The following EYA4 variants were observed in gnomAD, a reference collection of about 807,000 sequenced individuals.
EYA4 encodes protein phosphatase EYA4.
Under a neutral mutation model 87.9 loss-of-function variants are expected in EYA4, and 31 were observed. The observed-to-expected ratio is 0.35, with a 90% CI of 0.27 to 0.48. The LOEUF is 0.48. EYA4 is among the 20% of genes least tolerant of loss of function. The pLI, the probability that EYA4 is intolerant of heterozygous loss-of-function variation, is 0.99. For missense variants in EYA4, 678 were observed against 761.4 expected (o/e 0.89, Z 1.29); for synonymous variants, 263 against 270.6 (o/e 0.97, Z 0.28).
intron 1 of EYA4, among the ~76,000 whole-genome samples, chr6:133,256,231 C>T (rs1336674291): frequency 6.6e-6 from 1 of 151,124 alleles, no homozygotes; most frequent in Non-Finnish European, 1.5e-5. Flanking sequence ...ATTAGTTTCT[C>T]ACTTAAGAAT....
chr6:133,357,253 A>G (rs1208517868), intron 2 of EYA4, among the ~76,000 whole-genome samples: 1 of 133,472 alleles, frequency 7.5e-6, no homozygotes, highest in Non-Finnish European at 1.5e-5. Context: ...CCTGGGCGAC[A>G]GAGCGAGACT....
intron 7 of EYA4, 133 bp from the exon 8 acceptor site, chr6:133,462,202 C>G: frequency 9.2e-7 from 1 of 1,090,820 alleles, no homozygotes; most frequent in Non-Finnish European, 1.4e-6. Flanking sequence ...GTTGCTTTTT[C>G]CTATATTGTT....
intron 3 of EYA4, among the ~76,000 whole-genome samples, chr6:133,393,200 C>T (rs1787451532): frequency 1.3e-5 from 2 of 152,056 alleles, no homozygotes; most frequent in South Asian, 4.1e-4. Flanking sequence ...CTTTTGTGGT[C>T]CACTTCATGC....
intron 2 of EYA4, among the ~76,000 whole-genome samples, chr6:133,311,319 T>TTTTA (rs1169412007): frequency 4.6e-5 from 7 of 152,016 alleles, no homozygotes; most frequent in South Asian, 2.1e-4. Flanking sequence ...TTAATTTAAT[T>TTTTA]TTTATTTGTT....
intron 12 of EYA4, among the ~76,000 whole-genome samples, chr6:133,482,229 C>T (rs1322454513): frequency 3.3e-5 from 5 of 152,188 alleles, no homozygotes; most frequent in African/African-American, 1.2e-4. Flanking sequence ...AAAAATTGAA[C>T]TTCCAGATTT....
At chr6:133,326,746 C>A (rs1207359493) in intron 2 of EYA4, among the ~76,000 whole-genome samples, 3 of 152,226 alleles carry the variant, frequency 2.0e-5, no homozygotes, top group Non-Finnish European at 4.4e-5. Context: ...CCTTCCTCAT[C>A]CCTTCACCGT....
At chr6:133,301,913 T>G (rs1779437406) in intron 2 of EYA4, among the ~76,000 whole-genome samples, 1 of 152,234 alleles carries the variant, frequency 6.6e-6, no homozygotes, top group African/African-American at 2.4e-5. Flanking sequence ...TCTACTTGAT[T>G]AGACGGTCAT....
At chr6:133,337,913 A>G (rs1246728544) in intron 2 of EYA4, among the ~76,000 whole-genome samples, 2 of 152,168 alleles carry the variant, frequency 1.3e-5, no homozygotes, top group Non-Finnish European at 2.9e-5. Flanking sequence ...AATTTCGCAG[A>G]TTGGGGTTTT....
chr6:133,522,920 C>T (rs1419479789), intron 17 of EYA4, 136 bp from the exon 18 acceptor site: 2 of 705,074 alleles, frequency 2.8e-6, no homozygotes, highest in Non-Finnish European at 5.0e-6. Flanking sequence ...GAGTGTCTGT[C>T]TGCTGATAGG....
chr6:133,416,778 T>TCC (rs1291570517), intron 3 of EYA4, among the ~76,000 whole-genome samples: 51 of 152,332 alleles, frequency 3.3e-4, no homozygotes, highest in Non-Finnish European at 6.3e-4. Flanking sequence ...AATTGCATAT[T>TCC]CTCTTTGTGT....
chr6:133,366,816 A>C (rs1319368660), intron 2 of EYA4, among the ~76,000 whole-genome samples: 6 of 152,344 alleles, frequency 3.9e-5, no homozygotes, highest in African/African-American at 1.4e-4. Context: ...GGTCTTTTTC[A>C]AAGTAGCAAT....
In EYA4 at chr6:133,357,517, G is replaced by T. The variant is rs945302577; in HGVS notation, c.34-24875G>T. Among the ~76,000 whole-genome samples the T allele has an allele frequency of 5.3e-5, 8 of 152,194 alleles. No homozygotes were observed. In the South Asian group the frequency reaches 1.2e-3, roughly 24 times the overall value. ...ATTGTAAGATAATTTTTGAACTGAAGAAATTATTCAGAAAAATTCCCCAAA... is the reference window on the plus strand; with the variant it reads ...ATTGTAAGATAATTTTTGAACTGAATAAATTATTCAGAAAAATTCCCCAAA... On this transcript the variant is annotated intron_variant, in intron 2 of 19. Coordinates refer to ENST00000355286, the MANE Select transcript of EYA4 (RefSeq NM_004100.5).
chr6:133,483,020 T>C lies in EYA4; in HGVS notation c.1108-12T>C, dbSNP rs1241488620. The C allele has an allele frequency of 6.2e-7, 1 of 1,609,038 alleles. No homozygotes were observed. On this transcript the variant is annotated splice_polypyrimidine_tract_variant and intron_variant, in intron 12 of 19. Transcript: ENST00000355286. ...ACTTTTTAATTTTCTGATATTTATT[T>C]TTTGTCTTCAGCGTGTGTTTGTCTG...
At chr6:133,460,972 T>G in intron 6 of EYA4, 142 bp from the exon 7 acceptor site, 1 of 707,742 alleles carries the variant, frequency 1.4e-6, no homozygotes, top group Non-Finnish European at 2.6e-6. Flanking sequence ...GAGAAAGTGT[T>G]TAGGCAGCTG....
At chr6:133,415,649 C>T (rs938941240) in intron 3 of EYA4, among the ~76,000 whole-genome samples, 1 of 152,182 alleles carries the variant, frequency 6.6e-6, no homozygotes, top group South Asian at 2.1e-4. Context: ...TTTACCATCT[C>T]CTGACATAAT....
At chr6:133,493,838 G>A (rs1441175302) in intron 13 of EYA4, among the ~76,000 whole-genome samples, 1 of 152,188 alleles carries the variant, frequency 6.6e-6, no homozygotes, top group Non-Finnish European at 1.5e-5. Context: ...GTGAAAAGGT[G>A]TTCCCATCAT....
chr6:133,265,891 C>T (rs1776182350), intron 1 of EYA4, among the ~76,000 whole-genome samples: 1 of 152,182 alleles, frequency 6.6e-6, no homozygotes, highest in Admixed American at 6.5e-5. Context: ...TATTTAATTT[C>T]ACTTGCGTTA....
intron 3 of EYA4, among the ~76,000 whole-genome samples, chr6:133,398,985 A>G (rs780372355): frequency 6.6e-6 from 1 of 152,186 alleles, no homozygotes; most frequent in Non-Finnish European, 1.5e-5. Flanking sequence ...ATAAGATACA[A>G]TGTCACTACC....
chr6:133,304,962 G>A (rs1372257427), intron 2 of EYA4, among the ~76,000 whole-genome samples: 1 of 152,122 alleles, frequency 6.6e-6, no homozygotes, highest in Non-Finnish European at 1.5e-5. Flanking sequence ...AAAGAATCTG[G>A]GACTAGGTTA....
Sources: gnomAD v4.1 joint callset for allele counts (sites outside exome capture counted in the v4.1 genomes callset) on GRCh38, gnomAD v4.1.1 for gene constraint, MANE v1.5 for transcripts, NCBI Gene and HGNC (gene_info 2026-07-23, HGNC 2026-07-21) for gene names.